The following UBE2O variants were observed in gnomAD, a reference collection of about 807,000 sequenced individuals.
UBE2O encodes (E3-independent) E2 ubiquitin-conjugating enzyme.
Under a neutral mutation model 125.8 loss-of-function variants are expected in UBE2O, and 15 were observed. That is an observed-to-expected ratio of 0.12 (90% CI 0.08 to 0.18). UBE2O has a LOEUF of 0.18. Ranked by LOEUF, UBE2O falls within the 10% of genes least tolerant of loss-of-function variation. The pLI is 1.00. For synonymous variants in UBE2O, 708 were observed against 703.2 expected (o/e 1.01, Z -0.11); for missense variants, 1,280 against 1,723.6 (o/e 0.74, Z 4.56).
In UBE2O at chr17:76,415,927, G is replaced by T. The variant is rs8071034; in HGVS notation, c.418-10355C>A. Among the ~76,000 whole-genome samples, 5 of 131,602 alleles carry T rather than the reference G, an allele frequency of 3.8e-5. No homozygotes were observed. In the South Asian group the frequency reaches 9.3e-4, roughly 25 times the overall value. The allele number at this position is 131,602 out of a possible 152,430, so 86.3% of individuals were successfully genotyped here. A position where few individuals can be genotyped will look rare whatever the true frequency, so the allele number is the denominator to read the frequency against. ...CAAATATATACACATGCACATACAC[G>T]TATATACGTATGCGTATACATATGC... On this transcript the variant is annotated intron_variant, in intron 1 of 17. Coordinates refer to ENST00000319380, the MANE Select transcript of UBE2O (RefSeq NM_022066.4).
chr17:76,429,046 C>T (rs1169955237), intron 1 of UBE2O, among the ~76,000 whole-genome samples: 6 of 151,628 alleles, frequency 4.0e-5, no homozygotes, highest in Middle Eastern at 3.2e-3. Flanking sequence ...GGATTACGGG[C>T]GCATGCCACC....
chr17:76,434,921 T>C (rs2072964342), intron 1 of UBE2O, among the ~76,000 whole-genome samples: 2 of 151,882 alleles, frequency 1.3e-5, no homozygotes, highest in African/African-American at 4.8e-5. Flanking sequence ...CCTGCCCCAA[T>C]AGAGGGGCTC....
At chr17:76,416,457 T>G (rs1402502784) in intron 1 of UBE2O, among the ~76,000 whole-genome samples, 1 of 151,952 alleles carries the variant, frequency 6.6e-6, no homozygotes, top group Non-Finnish European at 1.5e-5. Flanking sequence ...CTGGGAAAAT[T>G]TGGGGGAAAC....
At chr17:76,448,078 A>C (rs1426823355) in intron 1 of UBE2O, among the ~76,000 whole-genome samples, 1 of 152,194 alleles carries the variant, frequency 6.6e-6, no homozygotes. Flanking sequence ...AGAGCACCCA[A>C]GGGTTTTGGC....
chr17:76,441,894 A>G (rs765055564), intron 1 of UBE2O, among the ~76,000 whole-genome samples: 2 of 152,240 alleles, frequency 1.3e-5, no homozygotes, highest in Non-Finnish European at 2.9e-5. Context: ...CCCGCCCCCA[A>G]GGGTCTTGGT....
intron 3 of UBE2O, among the ~76,000 whole-genome samples, chr17:76,403,792 A>G (rs1390377697): frequency 1.3e-5 from 2 of 152,148 alleles, no homozygotes; most frequent in Non-Finnish European, 2.9e-5. Context: ...TGGATCACAA[A>G]AAGTACAAGA....
At chr17:76,406,577 C>G (rs1365262439) in intron 1 of UBE2O, among the ~76,000 whole-genome samples, 1 of 147,938 alleles carries the variant, frequency 6.8e-6, no homozygotes, top group Non-Finnish European at 1.5e-5. Flanking sequence ...ACAACTAAAA[C>G]AAACTCTGCT....
chr17:76,398,226 C>T lies in UBE2O; in HGVS notation c.2025+29G>A, dbSNP rs200678618. 6.2e-7 allele frequency: 1 copy of T among 1,613,826 alleles called. No homozygotes were observed. The highest frequency in any genetic ancestry group is 1.7e-5 in the Admixed American group (1 of 60,004). ...AGCTGGTGCACAGGGCAGTGAGCAGCCATCCAGAACTTGAATTTGAAGGCG... is the reference window on the plus strand; with the variant it reads ...AGCTGGTGCACAGGGCAGTGAGCAGTCATCCAGAACTTGAATTTGAAGGCG... On this transcript the variant is annotated intron_variant, in intron 12 of 17. Coordinates refer to ENST00000319380, the MANE Select transcript of UBE2O (RefSeq NM_022066.4). The surrounding 1 kb of genome is among the most constrained non-coding windows in gnomAD (Gnocchi z 5.4).
chr17:76,427,273 T>C (rs1241026567), intron 1 of UBE2O, among the ~76,000 whole-genome samples: 1 of 152,256 alleles, frequency 6.6e-6, no homozygotes, highest in Non-Finnish European at 1.5e-5. Context: ...GAATTTATGC[T>C]ATTTGCTGTT....
intron 1 of UBE2O, among the ~76,000 whole-genome samples, chr17:76,449,008 G>A (rs1263628689): frequency 6.6e-6 from 1 of 152,268 alleles, no homozygotes; most frequent in East Asian, 1.9e-4. Flanking sequence ...GAGTCCTTAA[G>A]AGGCTTAATT....
chr17:76,395,620 AG>A lies in UBE2O; in HGVS notation c.2946+104del, dbSNP rs979167666. Reference sequence around the variant, plus strand: ...AAGGTGGGTGGGTGAGTGTCCTCGCAGGTGCCAGTCAGCCCCGGAGGTTTGG... The same window carrying A: ...AAGGTGGGTGGGTGAGTGTCCTCGCAGTGCCAGTCAGCCCCGGAGGTTTGG... On this transcript the variant is annotated intron_variant, in intron 15 of 17. Coordinates refer to ENST00000319380, the MANE Select transcript of UBE2O (RefSeq NM_022066.4). The surrounding 1 kb of genome is among the most constrained non-coding windows in gnomAD (Gnocchi z 5.0). The A allele has an allele frequency of 4.2e-5, 59 of 1,409,762 alleles. No individual in the cohort carries two copies. In the African/African-American group the frequency reaches 7.2e-4, roughly 17 times the overall value. The allele number at this position is 1,409,762 out of a possible 1,614,324, so 87.3% of individuals were successfully genotyped here. A position where few individuals can be genotyped will look rare whatever the true frequency, so the allele number is the denominator to read the frequency against.
chr17:76,435,183 C>G (rs2072969481), intron 1 of UBE2O, among the ~76,000 whole-genome samples: 1 of 152,134 alleles, frequency 6.6e-6, no homozygotes, highest in African/African-American at 2.4e-5. Context: ...GAATCCAAAG[C>G]TCTGACCTGC....
rs891740683 is a variant in UBE2O, at chr17:76,410,564, G to A, written c.418-4992C>T. The stretch of plus-strand genomic sequence containing the variant: ...GCAGAGAAGGTGGGTCTGCGGACCA[G>A]CCTCTGGATACATCAAGTAGGAAAG... On this transcript the variant is annotated intron_variant, in intron 1 of 17. Transcript: ENST00000319380. The surrounding 1 kb of genome is among the most constrained non-coding windows in gnomAD (Gnocchi z 4.0). Among the ~76,000 whole-genome samples the A allele has an allele frequency of 6.6e-5, 10 of 152,192 alleles. No homozygotes were observed. Among genetic ancestry groups the A allele is most frequent in the Admixed American group, 3.9e-4 (6 of 15,276 alleles).
At chr17:76,415,960 C>T (rs1391481375) in intron 1 of UBE2O, among the ~76,000 whole-genome samples, 6 of 151,576 alleles carry the variant, frequency 4.0e-5, no homozygotes, top group South Asian at 2.1e-4. Context: ...TGCACATACA[C>T]GTATATACGT....
In UBE2O at chr17:76,399,118, AG is replaced by A. The variant is rs1223591217; in HGVS notation, c.1629-128del. The A allele has an allele frequency of 2.4e-6, 3 of 1,267,068 alleles. No homozygotes were observed. The highest frequency in any genetic ancestry group is 3.2e-6 in the Non-Finnish European group (3 of 931,618). 78.5% of individuals were successfully genotyped at this position (1,267,068 alleles called of 1,614,324 possible). A position where few individuals can be genotyped will look rare whatever the true frequency, so the allele number is the denominator to read the frequency against. ...CTGAAACTCTGAATCCCAGGTTGGC[AG>A]GATGAGTCTCTGGTGCACAGGAAGC... On this transcript the variant is annotated intron_variant, in intron 9 of 17. Coordinates refer to ENST00000319380, the MANE Select transcript of UBE2O (RefSeq NM_022066.4). This position sits in a 1 kb window ranked among gnomAD's most constrained non-coding sequence, Gnocchi z 6.9.
In UBE2O at chr17:76,396,896, A is replaced by G; in HGVS notation, c.2116-75T>C. 1 of 1,334,128 alleles carries G rather than the reference A, an allele frequency of 7.5e-7. No individual in the cohort carries two copies. The highest frequency in any genetic ancestry group is 1.0e-6 in the Non-Finnish European group (1 of 976,304). 82.6% of individuals were successfully genotyped at this position (1,334,128 alleles called of 1,614,324 possible). ...CCACCACTAAGGAGGAGCTCTGGGG[A>G]TCCCTGATCCGCACAGCTGATGGCG... On this transcript the variant is annotated intron_variant, in intron 13 of 17. Transcript: ENST00000319380. The surrounding 1 kb of genome is among the most constrained non-coding windows in gnomAD (Gnocchi z 6.7).
At position 76,407,826 on chromosome 17, in the gene UBE2O, G is replaced by A. The variant is rs552466043; in HGVS notation, c.418-2254C>T. The stretch of plus-strand genomic sequence containing the variant: ...TGCCATTCTTCCCGTGGGGTCTCCA[G>A]ACAACAGCAGCTCCACCTCACCAGG... On this transcript the variant is annotated intron_variant, in intron 1 of 17. Transcript: ENST00000319380. Among the ~76,000 whole-genome samples, 8 of 152,352 alleles carry A rather than the reference G, an allele frequency of 5.3e-5. No individual in the cohort carries two copies. In the East Asian group the frequency reaches 1.3e-3, roughly 26 times the overall value.
intron 1 of UBE2O, among the ~76,000 whole-genome samples, chr17:76,418,466 T>C (rs1391286394): frequency 1.3e-5 from 2 of 152,130 alleles, no homozygotes; most frequent in Non-Finnish European, 2.9e-5. Context: ...AAGCCAACAG[T>C]TGGAGGAAGT....
Position 76,399,319 on chromosome 17 carries a change from TG to T in UBE2O, c.1628+129del. On this transcript the variant is annotated intron_variant, in intron 9 of 17. Coordinates refer to ENST00000319380, the MANE Select transcript of UBE2O (RefSeq NM_022066.4). This position sits in a 1 kb window ranked among gnomAD's most constrained non-coding sequence, Gnocchi z 6.9. ...CCCCAGGCACCTACGTTGTCTCGGG[TG>T]GGAGCCCCGGAGCCACTACAAGGCA... 1.1e-6 allele frequency: 1 copy of T among 928,328 alleles called. No homozygotes were observed. Among genetic ancestry groups the T allele is most frequent in the Non-Finnish European group, 1.6e-6 (1 of 624,630 alleles). The allele number at this position is 928,328 out of a possible 1,614,324, so 57.5% of individuals were successfully genotyped here.
Sources: gnomAD v4.1 joint callset for allele counts (sites outside exome capture counted in the v4.1 genomes callset) on GRCh38, gnomAD v4.1.1 for gene constraint, Gnocchi (gnomAD v3.1) non-coding constraint, MANE v1.5 for transcripts, NCBI Gene and HGNC (gene_info 2026-07-23, HGNC 2026-07-21) for gene names.